SENP3: variants seen among roughly 807,000 people sequenced by gnomAD.
The protein encoded by SENP3 is SUMO specific peptidase 3, also known as sentrin-specific protease 3.
Under a neutral mutation model 66.2 loss-of-function variants are expected in SENP3, and 11 were observed. The ratio of observed to expected loss-of-function variants is 0.17; its 90% CI spans 0.10 to 0.28. SENP3 has a LOEUF of 0.28. Ranked by LOEUF, SENP3 falls within the 10% of genes least tolerant of loss-of-function variation. The pLI is 1.00. For missense variants in SENP3, 548 were observed against 743.7 expected, an observed-to-expected ratio of 0.74 and a Z score of 3.06; for synonymous variants, 292 against 277.6, an observed-to-expected ratio of 1.05 and a Z score of -0.52.
Position 7,563,175 on chromosome 17 carries a change from T to G in SENP3, c.99T>G (p.Arg33=). 6.4e-7 allele frequency: 1 copy of G among 1,562,946 alleles called. No homozygotes were observed. Among genetic ancestry groups the G allele is most frequent in the Non-Finnish European group, 8.7e-7 (1 of 1,154,604 alleles). ...CAAGTCCCAGGCGGGAGCGTCTTCG[T>G]TGGCCCCCACCTCCCAAACCCCGAC... is the stretch of plus-strand genomic sequence containing the variant. The part of the protein sequence containing the change: ...AYSSPRRERL[R]WPPPPKPRLK... The change falls in exon 2 of 11, where the codon CGT becomes CGG. Residue 33 remains arginine, a synonymous_variant. Coordinates refer to ENST00000321337, the MANE Select transcript of SENP3 (RefSeq NM_015670.6).
rs769195740 is a variant in SENP3 at position 7,565,068 on chromosome 17, C to T, written c.1065C>T (p.Ser355=). 2 of 1,607,774 alleles carry T rather than the reference C, an allele frequency of 1.2e-6. No individual in the cohort carries two copies. The highest frequency in any genetic ancestry group is 1.7e-4 in the Middle Eastern group (1 of 6,046). The change falls in exon 4 of 11, where the codon TCC becomes TCT. Residue 355 remains serine (S), a splice_region_variant and synonymous_variant. Coordinates refer to ENST00000321337, the MANE Select transcript of SENP3 (RefSeq NM_015670.6). ...DIFQQEFSTP[S]RKGLVLQLIQ... ...TCCAGCAGGAGTTTTCCACCCCTTC[C>T]AGGTGAGGCTTGAAAGCCCTCCTTG...
At chr17:7,563,044 A>G in intron 1 of SENP3, 22 bp from the exon 2 acceptor site, 13 of 1,445,370 alleles carry the variant, frequency 9.0e-6, no homozygotes, top group Non-Finnish European at 1.2e-5. Flanking sequence ...AGATTTTGAT[A>G]CCCTGATCTT....
At chr17:7,566,842 C>A in intron 6 of SENP3, 85 bp from the exon 7 acceptor site, 2 of 947,466 alleles carry the variant, frequency 2.1e-6, no homozygotes, top group Non-Finnish European at 3.3e-6. Context: ...TTTGTTTTTA[C>A]TGTCAGTGGA....
chr17:7,563,534 G>A lies in SENP3; in HGVS notation c.458G>A (p.Arg153His), dbSNP rs768771858. The A allele has an allele frequency of 6.5e-7, 1 of 1,549,892 alleles. No individual in the cohort carries two copies. Among genetic ancestry groups the A allele is most frequent in the South Asian group, 1.2e-5 (1 of 84,080 alleles). ...ACATTCCACTGGAAGCTTTGGGGGC[G>A]CCACCGGGGCCGGCGGCGGGGCCTC... The part of the protein sequence containing the change: ...SLTFHWKLWG[R>H]HRGRRRGLAH... The change falls in exon 2 of 11, where the codon CGC (arginine) becomes CAC (histidine). Residue 153 changes from arginine to histidine, a missense_variant. This residue lies in a region of SENP3 where 12 missense variants were observed against 32.5 expected (regional missense o/e 0.37). Coordinates refer to ENST00000321337, the MANE Select transcript of SENP3 (RefSeq NM_015670.6).
rs2071319902 is a variant in SENP3 at position 7,571,842 on chromosome 17, TATATATATATATA to T, written c.*360_*372del. 13 of 19,952 alleles carry T rather than the reference TATATATATATATA, an allele frequency of 6.5e-4. 3 individuals carry two copies. The highest frequency in any genetic ancestry group is 3.0e-3 in the South Asian group (2 of 672). 1.2% of individuals were successfully genotyped at this position (19,952 alleles called of 1,614,324 possible). The stretch of plus-strand genomic sequence containing the variant: ...CCTGCCAGATCTTCAAACTTTTATA[TATATATATATATA>T]TATATATATATATATATATATATAT... On this transcript the variant is annotated 3_prime_UTR_variant, in exon 11 of 11. Coordinates refer to ENST00000321337, the MANE Select transcript of SENP3 (RefSeq NM_015670.6).
chr17:7,563,813 G>C, intron 2 of SENP3, 22 bp downstream of exon 2: 1 of 1,541,722 alleles, frequency 6.5e-7, no homozygotes, highest in Non-Finnish European at 8.8e-7. Context: ...AAGGGGTGTG[G>C]GGTTGCGGGG....
rs555633518 is a variant in SENP3 at position 7,566,838 on chromosome 17, T to C, written c.1264-89T>C. The stretch of plus-strand genomic sequence containing the variant: ...AAAAAGAAAAAACCCAGAATTTGTT[T>C]TTACTGTCAGTGGACTGAGGAGGGG... On this transcript the variant is annotated intron_variant, in intron 6 of 10. Transcript: ENST00000321337. 4.4e-5 allele frequency: 42 copies of C among 949,868 alleles called. 1 individual carries two copies. In the African/African-American group the frequency reaches 6.5e-4, roughly 15 times the overall value. 58.8% of individuals were successfully genotyped at this position (949,868 alleles called of 1,614,324 possible).
At position 7,571,367 on chromosome 17, in the gene SENP3, AC is replaced by A; in HGVS notation, c.1615-3del. The A allele has an allele frequency of 6.2e-7, 1 of 1,609,428 alleles. No individual in the cohort carries two copies. The highest frequency in any genetic ancestry group is 8.5e-7 in the Non-Finnish European group (1 of 1,175,934). On this transcript the variant is annotated splice_polypyrimidine_tract_variant and splice_region_variant and intron_variant, in intron 10 of 10. Transcript: ENST00000321337. ...GTTTCTCATGGCTTGCTTTGTTAAC[AC>A]CCAGTACTGCAAGCATCTGGCCCTG... is the stretch of plus-strand genomic sequence containing the variant.
rs34995901 is a variant in SENP3, at chr17:7,564,804, C to T, written c.895C>T (p.Pro299Ser). Residue 299 changes from proline to serine, a missense_variant, in exon 3 of 11, where the codon CCT (proline) becomes TCT (serine). Physicochemically the swap from Pro to Ser is moderately conservative, Grantham distance 74. Around this residue, in one of 6 missense-constraint regions of SENP3, gnomAD observed 215 missense variants for 230.7 expected, o/e 0.93. Coordinates refer to ENST00000321337, the MANE Select transcript of SENP3 (RefSeq NM_015670.6). Reference sequence around the variant, plus strand: ...GGGCATGGCAGAAGAGGCAGAGAGGCCTGGGGAGAAAGCCGGCCAGCACAG... The same window carrying T: ...GGGCATGGCAGAAGAGGCAGAGAGGTCTGGGGAGAAAGCCGGCCAGCACAG... ...DLGMAEEAER[P>S]GEKAGQHSPL... 4.0e-5 allele frequency: 64 copies of T among 1,613,652 alleles called. No individual in the cohort carries two copies. The highest frequency in any genetic ancestry group is 5.2e-5 in the Non-Finnish European group (61 of 1,179,798).
chr17:7,566,780 G>T (rs1298429435), intron 6 of SENP3, 147 bp from the exon 7 acceptor site: 2 of 647,280 alleles, frequency 3.1e-6, no homozygotes, highest in East Asian at 2.8e-5. Flanking sequence ...GACCAACCTG[G>T]GCAACATAGT....
intron 7 of SENP3, among the ~76,000 whole-genome samples, chr17:7,568,424 TGTCTCTACTAAA>T (rs2071284600): frequency 6.6e-6 from 1 of 152,176 alleles, no homozygotes; most frequent in South Asian, 2.1e-4. Context: ...GGCGAAACCC[TGTCTCTACTAAA>T]AATATGAAAA....
rs1322836339 is a variant in SENP3, at chr17:7,562,731, TG to T, written c.-11-332del. 6.6e-6 allele frequency among the ~76,000 whole-genome samples: 1 copy of T among 152,194 alleles called. No individual in the cohort carries two copies. Among genetic ancestry groups the T allele is most frequent in the Non-Finnish European group, 1.5e-5 (1 of 68,026 alleles). ...CCCTGAGGAAAGAAACTGCCCTTGT[TG>T]GGCCCTCAAAGGACAGCCCTGGTGG... On this transcript the variant is annotated intron_variant, in intron 1 of 10. Coordinates refer to ENST00000321337, the MANE Select transcript of SENP3 (RefSeq NM_015670.6). This position sits in a 1 kb window ranked among gnomAD's most constrained non-coding sequence, Gnocchi z 5.0.
Position 7,562,104 on chromosome 17 carries a change from C to T in SENP3, c.-171C>T. 2 of 399,208 alleles carry T rather than the reference C, an allele frequency of 5.0e-6. No homozygotes were observed. The highest frequency in any genetic ancestry group is 8.8e-6 in the Non-Finnish European group (2 of 226,522). 24.7% of individuals were successfully genotyped at this position (399,208 alleles called of 1,614,324 possible). A position where few individuals can be genotyped will look rare whatever the true frequency, so the allele number is the denominator to read the frequency against. The stretch of plus-strand genomic sequence containing the variant: ...CGGCGCGGCGGGGTGCTCGGCGGCG[C>T]GGCACGCGGCCCAGAAGCGTTGGAA... On this transcript the variant is annotated 5_prime_UTR_variant, in exon 1 of 11. Transcript: ENST00000321337. This position sits in a 1 kb window ranked among gnomAD's most constrained non-coding sequence, Gnocchi z 5.0.
chr17:7,569,841 T>G (rs1040651538), intron 7 of SENP3, among the ~76,000 whole-genome samples: 5 of 152,376 alleles, frequency 3.3e-5, no homozygotes, highest in Admixed American at 1.3e-4. Context: ...AGGATTGTTA[T>G]GAGCATTAAC....
chr17:7,563,608 C>G lies in SENP3; in HGVS notation c.532C>G (p.Gln178Glu). The G allele has an allele frequency of 6.3e-7, 1 of 1,589,768 alleles. No individual in the cohort carries two copies. The highest frequency in any genetic ancestry group is 8.6e-7 in the Non-Finnish European group (1 of 1,169,044). Residue 178 changes from glutamine (Q) to glutamate (E), a missense_variant, in exon 2 of 11, where the codon CAG becomes GAG. By Grantham distance (29) the Gln-to-Glu change is conservative. Around this residue, in one of 6 missense-constraint regions of SENP3, gnomAD observed 215 missense variants for 230.7 expected, o/e 0.93. Coordinates refer to ENST00000321337, the MANE Select transcript of SENP3 (RefSeq NM_015670.6). Reference sequence around the variant, plus strand: ...ACCCCAGCAAGGGGGTGCGACGCCACAGGTGCCATCCCCCTGTTGTCGTTT... The same window carrying G: ...ACCCCAGCAAGGGGGTGCGACGCCAGAGGTGCCATCCCCCTGTTGTCGTTT... ...LSPQQGGATPQVPSPCCRFDS... is the reference protein window; with the variant it reads ...LSPQQGGATPEVPSPCCRFDS...
At chr17:7,564,106 C>T (rs985677197) in intron 2 of SENP3, among the ~76,000 whole-genome samples, 4 of 152,138 alleles carry the variant, frequency 2.6e-5, no homozygotes, top group African/African-American at 9.7e-5. Context: ...AATCCCTTGT[C>T]GGCCTCTCAG....
At position 7,563,557 on chromosome 17, in the gene SENP3, C is replaced by T. The variant is rs1023410455; in HGVS notation, c.481C>T (p.Leu161Phe). 56 of 1,550,394 alleles carry T rather than the reference C, an allele frequency of 3.6e-5. No homozygotes were observed. Among genetic ancestry groups the T allele is most frequent in the Non-Finnish European group, 4.5e-5 (52 of 1,147,716 alleles). Reference protein sequence around the residue: ...WGRHRGRRRGLAHPKNHLSPQ... With the variant: ...WGRHRGRRRGFAHPKNHLSPQ... ...GCGCCACCGGGGCCGGCGGCGGGGC[C>T]TCGCACACCCCAAGAACCATCTTTC... is the stretch of plus-strand genomic sequence containing the variant. The change falls in exon 2 of 11, where the codon CTC becomes TTC. Residue 161 changes from leucine (L) to phenylalanine (F), a missense_variant. Coordinates refer to ENST00000321337, the MANE Select transcript of SENP3 (RefSeq NM_015670.6).
At chr17:7,564,367 C>A (rs1461137203) in intron 2 of SENP3, 2 of 636,762 alleles carry the variant, frequency 3.1e-6, no homozygotes, top group South Asian at 3.2e-5. Context: ...CCGAAGTTTT[C>A]ATTTCTAAAT....
Position 7,564,868 on chromosome 17 carries a change from A to C in SENP3, c.955+4A>C, listed in dbSNP as rs963948610. ...GAGCATGTGACCTGCGTACAGAGTA[A>C]GGAGCCCTTAAGCAACTAGCCTCTC... On this transcript the variant is annotated splice_donor_region_variant and intron_variant, in intron 3 of 10. Transcript: ENST00000321337. 2 of 1,605,574 alleles carry C rather than the reference A, an allele frequency of 1.2e-6. No homozygotes were observed. Among genetic ancestry groups the C allele is most frequent in the Non-Finnish European group, 1.7e-6 (2 of 1,173,982 alleles).
Sources: allele counts gnomAD v4.1 joint callset (sites outside exome capture counted in the v4.1 genomes callset), GRCh38; gene constraint gnomAD v4.1.1; regional missense constraint gnomAD v4.1.1; non-coding constraint Gnocchi (gnomAD v3.1); transcripts MANE v1.5; gene names NCBI Gene and HGNC (gene_info 2026-07-23, HGNC 2026-07-21).